Variants in EGFLAM observed in about 807,000 individuals in gnomAD.
EGFLAM encodes the protein EGF like, fibronectin type III and laminin G domains.
A neutral mutation model predicts 113.1 loss-of-function variants in EGFLAM; 79 were observed. That is an observed-to-expected ratio of 0.70 (90% CI 0.58 to 0.84). The LOEUF (loss-of-function observed/expected upper bound fraction) is 0.84, where lower values mean the gene tolerates loss of function less well. Ranked by LOEUF, EGFLAM falls within the 40% of genes least tolerant of loss-of-function variation. The pLI, the probability that EGFLAM is intolerant of heterozygous loss-of-function variation, is 0.00. For synonymous variants in EGFLAM, 504 were observed against 487.6 expected (o/e 1.03, Z -0.44); for missense variants, 1,265 against 1,291.6 (o/e 0.98, Z 0.32).
intron 6 of EGFLAM, among the ~76,000 whole-genome samples, chr5:38,378,553 A>G (rs1318304477): frequency 6.6e-6 from 1 of 152,198 alleles, no homozygotes; most frequent in Non-Finnish European, 1.5e-5. Flanking sequence ...AGCAATCAGG[A>G]AGTGCTCCAA....
intron 1 of EGFLAM, among the ~76,000 whole-genome samples, chr5:38,301,625 G>T (rs1044373791): frequency 2.0e-5 from 3 of 152,092 alleles, no homozygotes; most frequent in African/African-American, 7.2e-5. Flanking sequence ...TATAGTTCAG[G>T]TTCTTTAAAT....
At position 38,419,570 on chromosome 5, in the gene EGFLAM, G is replaced by A. The variant is rs191483493; in HGVS notation, c.1684+1315G>A. The stretch of plus-strand genomic sequence containing the variant: ...TTCTCCATTCCTCAGTCAGAGGTAG[G>A]ATTCGATCCTCATGACTCCTAGAAC... On this transcript the variant is annotated intron_variant, in intron 12 of 21. Transcript: ENST00000322350. Among the ~76,000 whole-genome samples the A allele has an allele frequency of 3.5e-4, 53 of 152,294 alleles. 1 individual carries two copies. Among genetic ancestry groups the A allele is most frequent in the Admixed American group, 2.7e-3 (41 of 15,306 alleles).
In EGFLAM at chr5:38,282,926, C is replaced by T. The variant is rs117846461; in HGVS notation, c.97+24075C>T. On this transcript the variant is annotated intron_variant, in intron 1 of 21. Transcript: ENST00000322350. ...GTGGTGCAATCAGGGCTCACTGCAG[C>T]CTTGGCCTCTCAGACTCAAGTGATC... 1.9e-3 allele frequency among the ~76,000 whole-genome samples: 292 copies of T among 152,250 alleles called. 4 individuals carry two copies. Among genetic ancestry groups the T allele is most frequent in the Admixed American group, 0.014 (220 of 15,292 alleles).
intron 8 of EGFLAM, 29 bp from the exon 9 acceptor site, chr5:38,407,776 T>A: frequency 1.3e-6 from 2 of 1,538,624 alleles, no homozygotes; most frequent in Non-Finnish European, 1.8e-6. Context: ...GAAATAGCAT[T>A]CTTTTGTGTT....
At chr5:38,355,560 T>A (rs905720718) in intron 5 of EGFLAM, among the ~76,000 whole-genome samples, 1 of 152,172 alleles carries the variant, frequency 6.6e-6, no homozygotes, top group African/African-American at 2.4e-5. Context: ...TCCAGCCTTA[T>A]AGTGTATGGT....
rs567443471 is a variant in EGFLAM at position 38,406,857 on chromosome 5, G to A, written c.858G>A (p.Gly286=). The A allele has an allele frequency of 4.7e-5, 76 of 1,613,996 alleles. No homozygotes were observed. The South Asian group carries it at 5.7e-4, about 12-fold the overall frequency. Reference sequence around the variant, plus strand: ...AACCACTTCCTGCTACCAAAGGAGGGAATAAGAAATTTTTGGTGGAAAGCA... The same window carrying A: ...AACCACTTCCTGCTACCAAAGGAGGAAATAAGAAATTTTTGGTGGAAAGCA... ...EVKPLPATKG[G]NKKFLVESKK... The change falls in exon 8 of 22, where the codon GGG becomes GGA. Residue 286 remains glycine (G), a synonymous_variant. Transcript: ENST00000322350.
intron 1 of EGFLAM, among the ~76,000 whole-genome samples, chr5:38,274,587 A>T (rs1191831779): frequency 6.6e-6 from 1 of 152,194 alleles, no homozygotes; most frequent in Non-Finnish European, 1.5e-5. Context: ...GCCAACCAAG[A>T]ATACTGTACC....
In EGFLAM at chr5:38,406,872, G is replaced by T. The variant is rs535226175; in HGVS notation, c.873G>T (p.Leu291Phe). 5.0e-6 allele frequency: 8 copies of T among 1,614,024 alleles called. No individual in the cohort carries two copies. In the South Asian group the frequency reaches 7.7e-5, roughly 16 times the overall value. ...CCAAAGGAGGGAATAAGAAATTTTT[G>T]GTGGAAAGCAAGAAGATGTCTATAT... ...PATKGGNKKF[L>F]VESKKMSISN... The change falls in exon 8 of 22, where the codon TTG becomes TTT. Residue 291 changes from leucine to phenylalanine, a missense_variant. Leu to Phe is a conservative substitution (Grantham distance 22, BLOSUM62 0). Coordinates refer to ENST00000322350, the MANE Select transcript of EGFLAM (RefSeq NM_152403.4).
At chr5:38,356,825 G>C (rs151271523) in intron 5 of EGFLAM, among the ~76,000 whole-genome samples, 36 of 152,270 alleles carry the variant, frequency 2.4e-4, no homozygotes, top group African/African-American at 8.2e-4. Context: ...GCTTTCCTGG[G>C]CTCTAATGCT....
intron 1 of EGFLAM, among the ~76,000 whole-genome samples, chr5:38,284,598 G>T (rs564292961): frequency 1.3e-5 from 2 of 152,180 alleles, no homozygotes; most frequent in Non-Finnish European, 2.9e-5. Flanking sequence ...GCTTTCTTTT[G>T]TTTGCCTGCT....
At chr5:38,368,579 T>C (rs1007181320) in intron 5 of EGFLAM, among the ~76,000 whole-genome samples, 2 of 152,194 alleles carry the variant, frequency 1.3e-5, no homozygotes, top group African/African-American at 2.4e-5. Flanking sequence ...GCCTGGTAAG[T>C]TGCTCCTCAA....
chr5:38,347,833 G>C (rs1446239673), intron 3 of EGFLAM, among the ~76,000 whole-genome samples: 1 of 152,138 alleles, frequency 6.6e-6, no homozygotes, highest in African/African-American at 2.4e-5. Context: ...CCAGACTGGA[G>C]GTACAGGCAG....
intron 6 of EGFLAM, among the ~76,000 whole-genome samples, chr5:38,402,584 A>G (rs1456546453): frequency 1.3e-5 from 2 of 152,226 alleles, no homozygotes; most frequent in African/African-American, 4.8e-5. Flanking sequence ...ATTTGAGTTT[A>G]GCTCAGCCAG....
chr5:38,264,731 C>G lies in EGFLAM; in HGVS notation c.97+5880C>G, dbSNP rs539157054. Among the ~76,000 whole-genome samples the G allele has an allele frequency of 1.8e-4, 28 of 152,308 alleles. No homozygotes were observed. The Middle Eastern group carries it at 0.01, about 56-fold the overall frequency. ...CCTGTCCCCTTTCCAGTCCACTGTA[C>G]TCCATATCCCAGTGCTGATTCAGGC... On this transcript the variant is annotated intron_variant, in intron 1 of 21. Coordinates refer to ENST00000322350, the MANE Select transcript of EGFLAM (RefSeq NM_152403.4).
chr5:38,294,979 C>T (rs56325725), intron 1 of EGFLAM, among the ~76,000 whole-genome samples: 26,433 of 152,024 alleles, frequency 0.17, 2,631 homozygotes, highest in Middle Eastern at 0.27. Flanking sequence ...GCATACATGC[C>T]ACGAGTCCTA....
chr5:38,316,576 G>T (rs1738600757), intron 1 of EGFLAM, among the ~76,000 whole-genome samples: 1 of 152,130 alleles, frequency 6.6e-6, no homozygotes, highest in South Asian at 2.1e-4. Context: ...ATACATTTTA[G>T]CTATGATGAT....
chr5:38,375,935 A>G (rs1428740798), intron 6 of EGFLAM, among the ~76,000 whole-genome samples: 1 of 152,216 alleles, frequency 6.6e-6, no homozygotes, highest in Admixed American at 6.5e-5. Context: ...TGGTGCATCT[A>G]CATGTACTTC....
At chr5:38,349,787 A>G (rs879670326) in intron 3 of EGFLAM, among the ~76,000 whole-genome samples, 2 of 151,366 alleles carry the variant, frequency 1.3e-5, no homozygotes, top group African/African-American at 4.9e-5. Flanking sequence ...ACACACACAC[A>G]CACACACACA....
intron 1 of EGFLAM, among the ~76,000 whole-genome samples, chr5:38,274,481 G>T (rs1247981855): frequency 6.6e-6 from 1 of 152,038 alleles, no homozygotes; most frequent in Non-Finnish European, 1.5e-5. Context: ...AACATATAAG[G>T]GATTTCCAAT....
Sources: gnomAD v4.1 joint callset for allele counts (sites outside exome capture counted in the v4.1 genomes callset) on GRCh38, gnomAD v4.1.1 for gene constraint, MANE v1.5 for transcripts, NCBI Gene and HGNC (gene_info 2026-07-23, HGNC 2026-07-21) for gene names.